ADAMTSL1: variants seen among roughly 807,000 people sequenced by gnomAD.
ADAMTSL1 encodes the protein ADAMTS-like protein 1.
Under a neutral mutation model 201.8 loss-of-function variants are expected in ADAMTSL1, and 126 were observed. The ratio of observed to expected loss-of-function variants is 0.62; its 90% CI spans 0.54 to 0.72. The LOEUF (loss-of-function observed/expected upper bound fraction) is 0.72. Among genes scored for constraint, ADAMTSL1 ranks in the 30% least tolerant of loss-of-function variants. The pLI, the probability that ADAMTSL1 is intolerant of heterozygous loss-of-function variation, is 0.00. For missense variants in ADAMTSL1, 2,679 were observed against 2,277.8 expected, an observed-to-expected ratio of 1.18 and a Z score of -3.59; for synonymous variants, 1,121 against 903.4, an observed-to-expected ratio of 1.24 and a Z score of -4.32.
intron 14 of ADAMTSL1, among the ~76,000 whole-genome samples, chr9:18,710,299 G>T (rs774686356): frequency 1.3e-5 from 2 of 152,156 alleles, no homozygotes; most frequent in East Asian, 1.9e-4. Flanking sequence ...TGACCACAGG[G>T]CTGGCCCAAG....
At chr9:18,733,943 G>A (rs1818367636) in intron 15 of ADAMTSL1, among the ~76,000 whole-genome samples, 1 of 151,574 alleles carries the variant, frequency 6.6e-6, no homozygotes, top group African/African-American at 2.4e-5. Flanking sequence ...TAAGAATTAG[G>A]AAAACAAAAC....
At chr9:18,848,644 T>C (rs1279789563) in intron 23 of ADAMTSL1, among the ~76,000 whole-genome samples, 1 of 152,196 alleles carries the variant, frequency 6.6e-6, no homozygotes, top group African/African-American at 2.4e-5. Flanking sequence ...CACCCCAGCC[T>C]GGAATGATCA....
intron 1 of ADAMTSL1, among the ~76,000 whole-genome samples, chr9:18,160,635 G>A (rs1412463600): frequency 1.3e-5 from 2 of 151,616 alleles, no homozygotes; most frequent in African/African-American, 4.8e-5. Flanking sequence ...CCTGGTCTGA[G>A]CATGGGAAAT....
rs1035801964 is a variant in ADAMTSL1, at chr9:18,635,937, C to G, written c.602-6C>G. 4 of 1,596,058 alleles carry G rather than the reference C, an allele frequency of 2.5e-6. No homozygotes were observed. The African/African-American group carries it at 5.4e-5, about 22-fold the overall frequency. The stretch of plus-strand genomic sequence containing the variant: ...GCTTTTAAGATTTTGCTTTGTTTCT[C>G]TCTAGCGGATGATACTGTGGTTGCA... On this transcript the variant is annotated splice_region_variant and splice_polypyrimidine_tract_variant and intron_variant, in intron 5 of 28. Coordinates refer to ENST00000380548, the MANE Select transcript of ADAMTSL1 (RefSeq NM_001040272.6).
chr9:18,558,558 G>C (rs1040917332), intron 3 of ADAMTSL1, among the ~76,000 whole-genome samples: 1 of 151,974 alleles, frequency 6.6e-6, no homozygotes. Context: ...TGGTATTTCT[G>C]GTTCTAGATC....
At chr9:18,597,023 A>AT (rs1824308125) in intron 4 of ADAMTSL1, among the ~76,000 whole-genome samples, 1 of 152,102 alleles carries the variant, frequency 6.6e-6, no homozygotes, top group Admixed American at 6.6e-5. Context: ...AGCCAATTAG[A>AT]TTGAGAACTT....
chr9:18,840,477 C>T (rs1319564568), intron 23 of ADAMTSL1, among the ~76,000 whole-genome samples: 3 of 152,160 alleles, frequency 2.0e-5, no homozygotes, highest in Non-Finnish European at 4.4e-5. Flanking sequence ...TGTGATGCCT[C>T]CAGCTTTGTT....
chr9:18,328,787 A>G (rs1834924004), intron 2 of ADAMTSL1, among the ~76,000 whole-genome samples: 1 of 152,210 alleles, frequency 6.6e-6, no homozygotes, highest in Non-Finnish European at 1.5e-5. Context: ...ATAGAAGCAC[A>G]TGGGAAGCAA....
At chr9:17,935,702 C>A (rs1404030965) in intron 1 of ADAMTSL1, among the ~76,000 whole-genome samples, 1 of 152,202 alleles carries the variant, frequency 6.6e-6, no homozygotes, top group Non-Finnish European at 1.5e-5. Context: ...CTATTAATAG[C>A]AATACCTCTA....
At chr9:18,783,308 G>A (rs1821511158) in intron 19 of ADAMTSL1, among the ~76,000 whole-genome samples, 1 of 152,174 alleles carries the variant, frequency 6.6e-6, no homozygotes, top group Non-Finnish European at 1.5e-5. Context: ...TTTAAAAGTA[G>A]ATTGAAGAGG....
intron 2 of ADAMTSL1, among the ~76,000 whole-genome samples, chr9:18,196,173 A>G (rs1038984293): frequency 1.3e-5 from 2 of 152,040 alleles, no homozygotes; most frequent in Non-Finnish European, 2.9e-5. Context: ...AGGTCTCCAG[A>G]TTTGCATTCC....
intron 1 of ADAMTSL1, among the ~76,000 whole-genome samples, chr9:18,152,685 T>A (rs1826969085): frequency 6.6e-6 from 1 of 151,746 alleles, no homozygotes; most frequent in Non-Finnish European, 1.5e-5. Context: ...GGGTGATGAC[T>A]GAGGGCCAGT....
At chr9:18,418,300 T>G (rs1227342930) in intron 2 of ADAMTSL1, among the ~76,000 whole-genome samples, 1 of 152,150 alleles carries the variant, frequency 6.6e-6, no homozygotes, top group African/African-American at 2.4e-5. Flanking sequence ...CCCCCGGCAC[T>G]GGGGAAGGCA....
intron 2 of ADAMTSL1, among the ~76,000 whole-genome samples, chr9:18,404,251 T>G (rs1326440950): frequency 1.3e-5 from 2 of 152,232 alleles, no homozygotes; most frequent in Non-Finnish European, 2.9e-5. Flanking sequence ...CTTGTTTCCT[T>G]CATTCCTCAA....
At chr9:18,037,744 C>A (rs1009204584) in intron 1 of ADAMTSL1, among the ~76,000 whole-genome samples, 3 of 152,120 alleles carry the variant, frequency 2.0e-5, no homozygotes, top group Non-Finnish European at 4.4e-5. Context: ...CAAGAACTCA[C>A]CTTTATAACT....
intron 10 of ADAMTSL1, among the ~76,000 whole-genome samples, chr9:18,679,682 ATAATAT>A (rs1830333220): frequency 1.3e-5 from 2 of 152,190 alleles, no homozygotes; most frequent in South Asian, 4.1e-4. Context: ...GAATATGTAG[ATAATAT>A]TAACGCTTCT....
At chr9:18,897,474 C>A (rs957830859) in intron 26 of ADAMTSL1, among the ~76,000 whole-genome samples, 8 of 152,108 alleles carry the variant, frequency 5.3e-5, no homozygotes, top group African/African-American at 1.9e-4. Context: ...GGGCCAGCAA[C>A]AGGTCAGTAC....
intron 2 of ADAMTSL1, among the ~76,000 whole-genome samples, chr9:18,345,489 T>C (rs1200407895): frequency 2.0e-5 from 3 of 152,188 alleles, no homozygotes; most frequent in Non-Finnish European, 2.9e-5. Flanking sequence ...AGGAATGCTA[T>C]GTTTTCTAGG....
At chr9:18,844,680 G>T (rs937496381) in intron 23 of ADAMTSL1, among the ~76,000 whole-genome samples, 21 of 152,326 alleles carry the variant, frequency 1.4e-4, no homozygotes, top group African/African-American at 5.1e-4. Flanking sequence ...TTGAGCTGTG[G>T]TGGGCTCCAC....
Sources: gnomAD v4.1 joint callset for allele counts (sites outside exome capture counted in the v4.1 genomes callset) on GRCh38, gnomAD v4.1.1 for gene constraint, MANE v1.5 for transcripts, NCBI Gene and HGNC (gene_info 2026-07-23, HGNC 2026-07-21) for gene names.